The following LRRC4C variants were observed in gnomAD, a reference collection of about 807,000 sequenced individuals.
LRRC4C encodes the protein leucine rich repeat containing 4C, also known as leucine-rich repeat-containing protein 4C.
In LRRC4C, 5 loss-of-function variants were observed where a neutral mutation model predicts 33.6. The observed-to-expected ratio is 0.15, with a 90% CI of 0.08 to 0.31. The LOEUF (loss-of-function observed/expected upper bound fraction) is 0.31, where lower values mean the gene tolerates loss of function less well. Ranked by LOEUF, LRRC4C falls within the 10% of genes least tolerant of loss-of-function variation. The pLI is 1.00. For synonymous variants in LRRC4C, 329 were observed against 302.0 expected, an observed-to-expected ratio of 1.09 and a Z score of -0.93; for missense variants, 560 against 796.7, an observed-to-expected ratio of 0.70 and a Z score of 3.58.
chr11:41,360,060 G>T (rs971153403), intron 1 of LRRC4C, among the ~76,000 whole-genome samples: 4 of 152,118 alleles, frequency 2.6e-5, no homozygotes, highest in Non-Finnish European at 5.9e-5. Context: ...GTGCACACTT[G>T]TAATCCCACT....
intron 2 of LRRC4C, among the ~76,000 whole-genome samples, chr11:40,780,409 C>G (rs1371297091): frequency 6.6e-6 from 1 of 152,016 alleles, no homozygotes; most frequent in Non-Finnish European, 1.5e-5. Flanking sequence ...ATTTTCTCAT[C>G]TAATTTCTAA....
At chr11:41,107,924 G>A (rs543202465) in intron 1 of LRRC4C, among the ~76,000 whole-genome samples, 5 of 151,040 alleles carry the variant, frequency 3.3e-5, no homozygotes, top group South Asian at 2.1e-4. Flanking sequence ...GTGATAGAGC[G>A]AGAGTCCATC....
chr11:40,319,455 T>C (rs1320781345), intron 4 of LRRC4C, among the ~76,000 whole-genome samples, 173 bp downstream of exon 4: 1 of 152,226 alleles, frequency 6.6e-6, no homozygotes, highest in Non-Finnish European at 1.5e-5. Context: ...AGTTCGTTTT[T>C]GCCGCATGCA....
rs546432195 is a variant in LRRC4C, at chr11:40,532,622, C to A, written c.-270+115520G>T. ...CATGTAAGGGGTATAAGATGAAAAACAGTAGTAGTCTTTATTGTAAAAATA... is the reference window on the plus strand; with the variant it reads ...CATGTAAGGGGTATAAGATGAAAAAAAGTAGTAGTCTTTATTGTAAAAATA... On this transcript the variant is annotated intron_variant, in intron 3 of 6. Transcript: ENST00000528697. Among the ~76,000 whole-genome samples the A allele has an allele frequency of 6.0e-5, 9 of 150,450 alleles. No individual in the cohort carries two copies. The East Asian group carries it at 1.8e-3, about 29-fold the overall frequency.
At chr11:40,916,876 G>A (rs181703802) in intron 2 of LRRC4C, among the ~76,000 whole-genome samples, 4 of 152,110 alleles carry the variant, frequency 2.6e-5, no homozygotes, top group Admixed American at 1.3e-4. Flanking sequence ...CATGAAATAT[G>A]TATATTATCA....
At chr11:40,993,452 A>C (rs1307672594) in intron 1 of LRRC4C, among the ~76,000 whole-genome samples, 2 of 152,192 alleles carry the variant, frequency 1.3e-5, no homozygotes, top group Non-Finnish European at 2.9e-5. Context: ...GTTCTTTAAA[A>C]AAACACCCGC....
chr11:40,769,687 T>A (rs1376514513), intron 2 of LRRC4C, among the ~76,000 whole-genome samples: 1 of 152,138 alleles, frequency 6.6e-6, no homozygotes. Flanking sequence ...ACATCTACCA[T>A]GAACTCATTT....
intron 2 of LRRC4C, among the ~76,000 whole-genome samples, chr11:40,681,834 G>GT (rs1944704549): frequency 6.6e-6 from 1 of 152,162 alleles, no homozygotes; most frequent in Non-Finnish European, 1.5e-5. Context: ...TCTAAGTGAA[G>GT]TAACTCAGGA....
At chr11:40,662,656 C>T (rs1464081628) in intron 2 of LRRC4C, among the ~76,000 whole-genome samples, 3 of 152,162 alleles carry the variant, frequency 2.0e-5, no homozygotes, top group African/African-American at 7.2e-5. Flanking sequence ...TTCATTTTGT[C>T]TAAGTGCAGT....
At chr11:41,445,478 C>T (rs952950187) in intron 1 of LRRC4C, among the ~76,000 whole-genome samples, 1 of 151,700 alleles carries the variant, frequency 6.6e-6, no homozygotes, top group Non-Finnish European at 1.5e-5. Context: ...CACTGGGAGA[C>T]AAAAGGAGTA....
chr11:40,401,723 G>A (rs1949767343), intron 3 of LRRC4C, among the ~76,000 whole-genome samples: 2 of 152,106 alleles, frequency 1.3e-5, no homozygotes, highest in Non-Finnish European at 1.5e-5. Flanking sequence ...TTTCTGGCAG[G>A]AAGGGGAAAA....
At chr11:41,024,330 C>A (rs554685866) in intron 1 of LRRC4C, among the ~76,000 whole-genome samples, 9 of 151,804 alleles carry the variant, frequency 5.9e-5, no homozygotes, top group African/African-American at 2.2e-4. Flanking sequence ...CTGATAAAAG[C>A]ATGCTCATTT....
chr11:40,525,546 G>A (rs1319919821), intron 3 of LRRC4C, among the ~76,000 whole-genome samples: 2 of 151,654 alleles, frequency 1.3e-5, no homozygotes, highest in Non-Finnish European at 1.5e-5. Flanking sequence ...AGCATCTAAT[G>A]GAAAAGGAAA....
chr11:40,866,652 C>T (rs1161864334), intron 2 of LRRC4C, among the ~76,000 whole-genome samples: 2 of 152,090 alleles, frequency 1.3e-5, no homozygotes, highest in East Asian at 1.9e-4. Context: ...GTATTGGCTA[C>T]GTGAACTCTT....
chr11:41,237,760 C>T (rs995840172), intron 1 of LRRC4C, among the ~76,000 whole-genome samples: 1 of 152,038 alleles, frequency 6.6e-6, no homozygotes, highest in African/African-American at 2.4e-5. Context: ...TTCTAGATCC[C>T]GGTAGAGTGT....
chr11:40,486,162 A>C (rs1452711520), intron 3 of LRRC4C, among the ~76,000 whole-genome samples: 1 of 151,690 alleles, frequency 6.6e-6, no homozygotes, highest in Non-Finnish European at 1.5e-5. Context: ...TTTAAAAAAA[A>C]AAAAAAAAAG....
intron 4 of LRRC4C, among the ~76,000 whole-genome samples, chr11:40,304,792 C>T (rs528331108): frequency 8.6e-5 from 13 of 150,614 alleles, no homozygotes; most frequent in South Asian, 6.3e-4. Flanking sequence ...AGTGCAGTGG[C>T]GCAATCTCGG....
intron 5 of LRRC4C, among the ~76,000 whole-genome samples, chr11:40,150,866 T>G (rs978437358): frequency 6.6e-6 from 1 of 152,078 alleles, no homozygotes; most frequent in African/African-American, 2.4e-5. Flanking sequence ...AGTAGAAGAT[T>G]AAGAATTTGT....
intron 1 of LRRC4C, among the ~76,000 whole-genome samples, chr11:41,362,768 C>T (rs904932776): frequency 2.0e-4 from 30 of 151,780 alleles, no homozygotes; most frequent in African/African-American, 7.2e-4. Flanking sequence ...TTTTATCCAG[C>T]TTCTAGAGCT....
Sources: gnomAD v4.1 joint callset for allele counts (sites outside exome capture counted in the v4.1 genomes callset) on GRCh38, gnomAD v4.1.1 for gene constraint, MANE v1.5 for transcripts, NCBI Gene and HGNC (gene_info 2026-07-23, HGNC 2026-07-21) for gene names.